Variants in CHD1L observed in about 807,000 individuals in gnomAD.
The protein encoded by CHD1L is ATP-dependent chromatin remodeler CHD1L.
Under a neutral mutation model 115.9 loss-of-function variants are expected in CHD1L, and 118 were observed. The ratio of observed to expected loss-of-function variants is 1.02; its 90% CI spans 0.88 to 1.19. CHD1L has a LOEUF of 1.19. Ranked by LOEUF, CHD1L falls within the 50% of genes most tolerant of loss-of-function variation. The pLI is 0.00. For synonymous variants in CHD1L, 411 were observed against 387.1 expected (o/e 1.06, Z -0.72); for missense variants, 1,179 against 1,065.3 (o/e 1.11, Z -1.49).
rs761409750 is a variant in CHD1L at position 147,251,983 on chromosome 1, T to C, written c.128-640T>C. On this transcript the variant is annotated intron_variant, in intron 1 of 22. Transcript: ENST00000369258. ...TTGCTAATAGTTCTTATATAAAGTATGTTTAAGGTCTTTCACCTTCCCAAG... is the reference window on the plus strand; with the variant it reads ...TTGCTAATAGTTCTTATATAAAGTACGTTTAAGGTCTTTCACCTTCCCAAG... Among the ~76,000 whole-genome samples the C allele has an allele frequency of 8.8e-4, 134 of 152,236 alleles. 2 individuals carry two copies. The highest frequency in any genetic ancestry group is 1.8e-3 in the Non-Finnish European group (124 of 68,042).
the CHD1L span, chr1:147,172,876 G>C: frequency 1.3e-5 from 2 of 152,406 alleles, no homozygotes; most frequent in African/African-American, 4.8e-5. Flanking sequence ...CCCCGCCTCA[G>C]GTGCGCCAGC....
intron 6 of CHD1L, among the ~76,000 whole-genome samples, chr1:147,263,125 T>C (rs1370932634): frequency 3.3e-5 from 5 of 152,176 alleles, no homozygotes; most frequent in African/African-American, 1.2e-4. Flanking sequence ...GTTTACATAC[T>C]ATGTTTTGAC....
chr1:147,252,736 G>T lies in CHD1L; in HGVS notation c.240+1G>T, dbSNP rs782448359. 1 of 1,610,330 alleles carries T rather than the reference G, an allele frequency of 6.2e-7. No individual in the cohort carries two copies. The highest frequency in any genetic ancestry group is 8.5e-7 in the Non-Finnish European group (1 of 1,176,810). The stretch of plus-strand genomic sequence containing the variant: ...GATGGGCCTGGGGAAGACCTGCCAG[G>T]TGTGTTACTATGCGACGAGTACTGC... On this transcript the variant is annotated splice_donor_variant, in intron 2 of 22. Coordinates refer to ENST00000369258, the MANE Select transcript of CHD1L (RefSeq NM_004284.6). LOFTEE classifies it high-confidence loss of function.
the CHD1L span, among the ~76,000 whole-genome samples, chr1:147,220,943 C>CAAAA: frequency 1.8e-5 from 1 of 54,266 alleles, no homozygotes; most frequent in Non-Finnish European, 3.4e-5. Context: ...TTTTAAGTTT[C>CAAAA]CAAAAAAAAA....
intron 2 of CHD1L, among the ~76,000 whole-genome samples, chr1:147,253,638 A>G (rs1553937898): frequency 6.6e-6 from 1 of 152,160 alleles, no homozygotes; most frequent in African/African-American, 2.4e-5. Flanking sequence ...CTGGGACTAC[A>G]GGCGCATGCC....
At chr1:147,192,350 T>A in the CHD1L span, among the ~76,000 whole-genome samples, 3 of 152,110 alleles carry the variant, frequency 2.0e-5, no homozygotes, top group Admixed American at 1.3e-4. Context: ...GTGATTTTTG[T>A]ACATTGATTT....
intron 15 of CHD1L, among the ~76,000 whole-genome samples, chr1:147,283,879 G>C (rs1681950534): frequency 6.6e-6 from 1 of 152,200 alleles, no homozygotes; most frequent in East Asian, 1.9e-4. Flanking sequence ...TCATGACGAA[G>C]ACGCTTGATG....
rs1185594393 is a variant in CHD1L, at chr1:147,266,055, A to G, written c.863A>G (p.Lys288Arg). 6.2e-7 allele frequency: 1 copy of G among 1,613,538 alleles called. No individual in the cohort carries two copies. The highest frequency in any genetic ancestry group is 8.5e-7 in the Non-Finnish European group (1 of 1,179,692). Residue 288 changes from lysine (K) to arginine (R), a missense_variant, in exon 8 of 23, where the codon AAA becomes AGA. Coordinates refer to ENST00000369258, the MANE Select transcript of CHD1L (RefSeq NM_004284.6). ...IYHGMSALQK[K>R]YYKAILMKDL... is the part of the protein sequence containing the mutation. The stretch of plus-strand genomic sequence containing the variant: ...CATGGCATGTCAGCATTGCAGAAGA[A>G]ATACTACAAGGCCATTTTGATGAAA...
chr1:147,287,118 G>A (rs1024227760), intron 18 of CHD1L, among the ~76,000 whole-genome samples: 1 of 152,016 alleles, frequency 6.6e-6, no homozygotes, highest in Non-Finnish European at 1.5e-5. Flanking sequence ...TTTCTTGTTC[G>A]CTGCTGTGAC....
chr1:147,223,231 G>A, the CHD1L span, among the ~76,000 whole-genome samples: 2 of 152,274 alleles, frequency 1.3e-5, no homozygotes, highest in South Asian at 2.1e-4. Context: ...ATTTTCTGCT[G>A]TTTACTAAAA....
At chr1:147,246,497 G>A (rs1666666010) in intron 1 of CHD1L, among the ~76,000 whole-genome samples, 1 of 152,182 alleles carries the variant, frequency 6.6e-6, no homozygotes, top group Admixed American at 6.5e-5. Flanking sequence ...TTCCAGAGTA[G>A]CTGTACTATT....
At chr1:147,254,373 G>A (rs1284681556) in intron 2 of CHD1L, among the ~76,000 whole-genome samples, 2 of 152,122 alleles carry the variant, frequency 1.3e-5, no homozygotes, top group African/African-American at 2.4e-5. Flanking sequence ...AATACATATG[G>A]AAGAAAGGAA....
the CHD1L span, among the ~76,000 whole-genome samples, chr1:147,229,965 T>G: frequency 1.0e-4 from 15 of 148,902 alleles, no homozygotes; most frequent in East Asian, 2.9e-3. Flanking sequence ...ACAGGGACAA[T>G]TTGACTTCCT....
At chr1:147,186,060 A>G in the CHD1L span, among the ~76,000 whole-genome samples, 4 of 152,312 alleles carry the variant, frequency 2.6e-5, no homozygotes, top group Non-Finnish European at 5.9e-5. Flanking sequence ...GATGAATCAA[A>G]TCACATTTGT....
rs782525631 is a variant in CHD1L, at chr1:147,271,002, A to G, written c.1156A>G (p.Arg386Gly). Reference sequence around the variant, plus strand: ...TATTCTCCAAGACTATATGGATTACAGAGGTGACACCTTTTGGCCACTACA... The same window carrying G: ...TATTCTCCAAGACTATATGGATTACGGAGGTGACACCTTTTGGCCACTACA... ...LDILQDYMDY[R>G]GYSYERVDGS... The change falls in exon 11 of 23, where the codon AGA (arginine) becomes GGA (glycine). Residue 386 changes from arginine to glycine, a missense_variant. Physicochemically the swap from Arg to Gly is moderately radical, Grantham distance 125. Transcript: ENST00000369258. 5.6e-6 allele frequency: 9 copies of G among 1,613,698 alleles called. No individual in the cohort carries two copies. The East Asian group carries it at 1.8e-4, about 32-fold the overall frequency.
intron 1 of CHD1L, among the ~76,000 whole-genome samples, chr1:147,249,882 G>C (rs782207261): frequency 6.6e-6 from 1 of 151,928 alleles, no homozygotes; most frequent in Non-Finnish European, 1.5e-5. Flanking sequence ...TGAAGGTCCC[G>C]GAGGGTCATT....
chr1:147,246,767 C>T (rs768652505), intron 1 of CHD1L, among the ~76,000 whole-genome samples: 5 of 151,996 alleles, frequency 3.3e-5, no homozygotes, highest in Non-Finnish European at 7.4e-5. Flanking sequence ...ATACTCTAGT[C>T]TTTATATAAT....
chr1:147,233,670 A>T, the CHD1L span, among the ~76,000 whole-genome samples: 1 of 152,188 alleles, frequency 6.6e-6, no homozygotes, highest in Non-Finnish European at 1.5e-5. Context: ...AAGGTGGGGA[A>T]AAGATTGAGA....
chr1:147,222,231 G>A, the CHD1L span, among the ~76,000 whole-genome samples: 5 of 152,274 alleles, frequency 3.3e-5, no homozygotes, highest in East Asian at 3.9e-4. Context: ...TTAGCAAGGC[G>A]TAGTAGTGCG....
Sources: gnomAD v4.1 joint callset for allele counts (sites outside exome capture counted in the v4.1 genomes callset) on GRCh38, gnomAD v4.1.1 for gene constraint, MANE v1.5 for transcripts, NCBI Gene and HGNC (gene_info 2026-07-23, HGNC 2026-07-21) for gene names.